DYNC1H1: variants seen among roughly 807,000 people sequenced by gnomAD.
DYNC1H1 encodes the protein dynein cytoplasmic 1 heavy chain 1.
In DYNC1H1, 51 loss-of-function variants were observed where a neutral mutation model predicts 527.1. That is an observed-to-expected ratio of 0.10 (90% CI 0.08 to 0.12). The LOEUF is 0.12. Among genes scored for constraint, DYNC1H1 ranks in the 10% least tolerant of loss-of-function variants. The probability of loss-of-function intolerance (pLI) is 1.00; values close to 1 mark genes in which losing one functional copy is unlikely to be tolerated. For synonymous variants in DYNC1H1, 2,189 were observed against 2,278.8 expected (o/e 0.96, Z 1.12); for missense variants, 2,771 against 5,971.8 (o/e 0.46, Z 17.66).
rs1352659577 is a variant in DYNC1H1, at chr14:102,054,183, G to C, written c.*3620G>C. On this transcript the variant is annotated 3_prime_UTR_variant, in exon 78 of 78. Transcript: ENST00000360184. Reference sequence around the variant, plus strand: ...GCTGGGCACAGACCTGGGAGGCTTGGCTCAAACCGCCCTGCCCTCCGTTGG... The same window carrying C: ...GCTGGGCACAGACCTGGGAGGCTTGCCTCAAACCGCCCTGCCCTCCGTTGG... 1.3e-5 allele frequency: 2 copies of C among 152,242 alleles called. No homozygotes were observed. The highest frequency in any genetic ancestry group is 2.9e-5 in the Non-Finnish European group (2 of 68,074). The allele number at this position is 152,242 out of a possible 1,614,324, so 9.4% of individuals were successfully genotyped here. A position where few individuals can be genotyped will look rare whatever the true frequency, so the allele number is the denominator to read the frequency against.
rs770289103 is a variant in DYNC1H1 at position 102,016,299 on chromosome 14, T to C, written c.7474-50T>C. ...TTAACTTTGCTGTAAGTGTCTTTCT[T>C]TTGTTGTTGAAATTTTATAAAAATC... is the stretch of plus-strand genomic sequence containing the variant. On this transcript the variant is annotated intron_variant, in intron 36 of 77. Transcript: ENST00000360184. The surrounding 1 kb of genome is among the most constrained non-coding windows in gnomAD (Gnocchi z 7.3). 1.2e-6 allele frequency: 2 copies of C among 1,609,668 alleles called. No individual in the cohort carries two copies. Among genetic ancestry groups the C allele is most frequent in the South Asian group, 2.2e-5 (2 of 90,574 alleles).
At chr14:101,998,879 CTTTT>C (rs888317854) in intron 16 of DYNC1H1, among the ~76,000 whole-genome samples, 1 of 115,212 alleles carries the variant, frequency 8.7e-6, no homozygotes, top group Non-Finnish European at 1.7e-5. Flanking sequence ...AAAACTTTTT[CTTTT>C]TTTTTTTTTT....
At position 102,017,053 on chromosome 14, in the gene DYNC1H1, G is replaced by A. The variant is rs2048331746; in HGVS notation, c.7849-35G>A. ...CCTTTTGGTGCTGAGCATGGGGTTGGTCTTACAGTGTGGTTTTGTGTCTTC... is the reference window on the plus strand; with the variant it reads ...CCTTTTGGTGCTGAGCATGGGGTTGATCTTACAGTGTGGTTTTGTGTCTTC... On this transcript the variant is annotated intron_variant, in intron 38 of 77. Transcript: ENST00000360184. The surrounding 1 kb of genome is among the most constrained non-coding windows in gnomAD (Gnocchi z 4.6). 6.2e-7 allele frequency: 1 copy of A among 1,614,248 alleles called. No individual in the cohort carries two copies. The highest frequency in any genetic ancestry group is 8.5e-7 in the Non-Finnish European group (1 of 1,180,038).
intron 72 of DYNC1H1, 102 bp from the exon 73 acceptor site, chr14:102,047,715 C>T: frequency 7.0e-7 from 1 of 1,419,660 alleles, no homozygotes; most frequent in Non-Finnish European, 9.7e-7. Flanking sequence ...CCAGTGTGGA[C>T]TCACTCACCA....
chr14:102,032,717 G>T, intron 52 of DYNC1H1: 1 of 594,194 alleles, frequency 1.7e-6, no homozygotes, highest in Non-Finnish European at 3.0e-6. Flanking sequence ...GCTGGGCGGG[G>T]TGGCATGCGC....
intron 72 of DYNC1H1, among the ~76,000 whole-genome samples, chr14:102,046,159 C>T (rs2048715156): frequency 1.3e-5 from 2 of 150,030 alleles, no homozygotes; most frequent in African/African-American, 4.9e-5. Context: ...CAGAGCAAGA[C>T]TTTGTCTCAA....
rs977074966 is a variant in DYNC1H1 at position 101,991,610 on chromosome 14, G to A, written c.2952G>A (p.Gln984=). ...PIEECRYKLY[Q]EMFAWKMVVL... Reference sequence around the variant, plus strand: ...AAGAGTGCAGATACAAGCTGTATCAGGAAATGTTTGCCTGGAAGATGGTTG... The same window carrying A: ...AAGAGTGCAGATACAAGCTGTATCAAGAAATGTTTGCCTGGAAGATGGTTG... Residue 984 remains glutamine (Q), a synonymous_variant, in exon 11 of 78, where the codon CAG becomes CAA. Coordinates refer to ENST00000360184, the MANE Select transcript of DYNC1H1 (RefSeq NM_001376.5). 6.2e-7 allele frequency: 1 copy of A among 1,614,198 alleles called. No individual in the cohort carries two copies. Among genetic ancestry groups the A allele is most frequent in the African/African-American group, 1.3e-5 (1 of 75,040 alleles).
chr14:102,004,085 CAA>C lies in DYNC1H1; in HGVS notation c.4884-425_4884-424del, dbSNP rs542865755. On this transcript the variant is annotated intron_variant, in intron 23 of 77. Coordinates refer to ENST00000360184, the MANE Select transcript of DYNC1H1 (RefSeq NM_001376.5). ...TGAAACCCCGTCTCTACTAAAAATACAAAAAAAAATTAGCCGGGCGTGGTGGT... is the reference window on the plus strand; with the variant it reads ...TGAAACCCCGTCTCTACTAAAAATACAAAAAAATTAGCCGGGCGTGGTGGT... Among the ~76,000 whole-genome samples the C allele has an allele frequency of 7.4e-5, 11 of 149,024 alleles. No homozygotes were observed. The East Asian group carries it at 1.2e-3, about 16-fold the overall frequency.
At chr14:102,026,763 T>G (rs1422349390) in intron 44 of DYNC1H1, 56 bp downstream of exon 44, 119 of 1,595,812 alleles carry the variant, frequency 7.5e-5, no homozygotes, top group Non-Finnish European at 9.7e-5. Context: ...CTTGAGTAAG[T>G]GTGTGTGCCG....
chr14:102,022,591 G>A (rs966842698), intron 42 of DYNC1H1, among the ~76,000 whole-genome samples, 160 bp from the exon 43 acceptor site: 1 of 152,106 alleles, frequency 6.6e-6, no homozygotes, highest in Non-Finnish European at 1.5e-5. Context: ...GCTGTCATGA[G>A]TTCAGCTTTT....
rs1264422999 is a variant in DYNC1H1, at chr14:102,038,812, G to A, written c.11170G>A (p.Val3724Met). The change falls in exon 59 of 78, where the codon GTG becomes ATG. Residue 3724 changes from valine to methionine, a missense_variant. By Grantham distance (21) the Val-to-Met change is conservative (BLOSUM62 1). Around this residue, in one of 32 missense-constraint regions of DYNC1H1, gnomAD observed 283 missense variants for 737.6 expected, o/e 0.38. Transcript: ENST00000360184. The surrounding 1 kb of genome is among the most constrained non-coding windows in gnomAD (Gnocchi z 7.2). ...AGTACTTAAAGCAGAAAGACCTGAT[G>A]TGGACGAGAAACGATCTGATCTTCT... ...NEVLKAERPD[V>M]DEKRSDLLKL... 2 of 1,614,210 alleles carry A rather than the reference G, an allele frequency of 1.2e-6. No individual in the cohort carries two copies. Among genetic ancestry groups the A allele is most frequent in the Non-Finnish European group, 1.7e-6 (2 of 1,180,038 alleles).
Position 102,006,149 on chromosome 14 carries a change from A to T in DYNC1H1, c.5695A>T (p.Arg1899Trp). The T allele has an allele frequency of 6.2e-7, 1 of 1,614,056 alleles. No homozygotes were observed. Among genetic ancestry groups the T allele is most frequent in the Non-Finnish European group, 8.5e-7 (1 of 1,180,016 alleles). The change falls in exon 27 of 78, where the codon AGG becomes TGG. Residue 1899 changes from arginine (R) to tryptophan (W), a missense_variant. Arg to Trp is a moderately radical substitution (Grantham distance 101, BLOSUM62 -3). This residue lies in a region of DYNC1H1 where 64 missense variants were observed against 143.4 expected (regional missense o/e 0.45). Transcript: ENST00000360184. ...YLTMTQALEA[R>W]LGGSPFGPAG... ...GACAATGACACAAGCCTTGGAGGCC[A>T]GGCTGGGGGGTTCCCCATTTGGTAA...
In DYNC1H1 at chr14:101,979,511, A is replaced by G. The variant is rs2047839178; in HGVS notation, c.518+19A>G. 5 of 1,614,078 alleles carry G rather than the reference A, an allele frequency of 3.1e-6. No homozygotes were observed. The highest frequency in any genetic ancestry group is 3.4e-6 in the Non-Finnish European group (4 of 1,180,000). ...CAGACAGGTAAAAACTGTGGTTTGA[A>G]TGTTATATTTCACTTAATGTTCACA... On this transcript the variant is annotated intron_variant, in intron 3 of 77. Coordinates refer to ENST00000360184, the MANE Select transcript of DYNC1H1 (RefSeq NM_001376.5). The surrounding 1 kb of genome is among the most constrained non-coding windows in gnomAD (Gnocchi z 4.6).
chr14:102,000,305 A>G lies in DYNC1H1; in HGVS notation c.3980A>G (p.Gln1327Arg), dbSNP rs763711252. ...ERVQVALEEL[Q>R]DLKGVWSELS... Reference sequence around the variant, plus strand: ...TCGCAGGTGGCCTTAGAAGAATTACAGGACCTCAAAGGCGTTTGGTCAGAA... The same window carrying G: ...TCGCAGGTGGCCTTAGAAGAATTACGGGACCTCAAAGGCGTTTGGTCAGAA... The change falls in exon 18 of 78, where the codon CAG becomes CGG. Residue 1327 changes from glutamine to arginine, a missense_variant. Physicochemically the swap from Gln to Arg is conservative, Grantham distance 43. Coordinates refer to ENST00000360184, the MANE Select transcript of DYNC1H1 (RefSeq NM_001376.5). The G allele has an allele frequency of 9.3e-6, 15 of 1,614,206 alleles. No individual in the cohort carries two copies. The East Asian group carries it at 2.2e-4, about 24-fold the overall frequency.
At position 102,020,920 on chromosome 14, in the gene DYNC1H1, G is replaced by T. The variant is rs1339638427; in HGVS notation, c.8507+864G>T. ...CCTTGGCATTCTTGGGCAACACCGGGTACATTACTGACAGCCACTGTAAGA... is the reference window on the plus strand; with the variant it reads ...CCTTGGCATTCTTGGGCAACACCGGTTACATTACTGACAGCCACTGTAAGA... On this transcript the variant is annotated intron_variant, in intron 42 of 77. Transcript: ENST00000360184. This position sits in a 1 kb window ranked among gnomAD's most constrained non-coding sequence, Gnocchi z 4.3. 6.6e-6 allele frequency among the ~76,000 whole-genome samples: 1 copy of T among 152,146 alleles called. No individual in the cohort carries two copies. The highest frequency in any genetic ancestry group is 2.4e-5 in the African/African-American group (1 of 41,440).
chr14:102,044,783 A>G lies in DYNC1H1; in HGVS notation c.13006+85A>G, dbSNP rs2048696067. The G allele has an allele frequency of 5.4e-6, 8 of 1,486,900 alleles. No individual in the cohort carries two copies. Among genetic ancestry groups the G allele is most frequent in the Middle Eastern group, 2.4e-4 (1 of 4,244 alleles). 92.1% of individuals were successfully genotyped at this position (1,486,900 alleles called of 1,614,324 possible). On this transcript the variant is annotated intron_variant, in intron 72 of 77. Transcript: ENST00000360184. This position sits in a 1 kb window ranked among gnomAD's most constrained non-coding sequence, Gnocchi z 7.1. The stretch of plus-strand genomic sequence containing the variant: ...GTGGGTGGCGAGGGTCCCCACACGC[A>G]GGGTGAGTGTGCACTGCTGTCCCAG...
chr14:102,022,267 C>A (rs974692339), intron 42 of DYNC1H1, among the ~76,000 whole-genome samples: 1 of 151,600 alleles, frequency 6.6e-6, no homozygotes, highest in Admixed American at 6.6e-5. Flanking sequence ...GAGGCCGAGG[C>A]GGGCGGATCA....
intron 15 of DYNC1H1, among the ~76,000 whole-genome samples, chr14:101,995,515 G>A (rs34604942): frequency 5.0e-4 from 76 of 151,968 alleles, no homozygotes; most frequent in Admixed American, 1.4e-3. Flanking sequence ...GGAGGCTGAG[G>A]CAGGAGAATG....
At chr14:101,981,512 G>A (rs1241151309) in intron 5 of DYNC1H1, among the ~76,000 whole-genome samples, 1 of 152,170 alleles carries the variant, frequency 6.6e-6, no homozygotes, top group Non-Finnish European at 1.5e-5. Flanking sequence ...GTTTGAACAC[G>A]AGGCATTATT....
Sources: allele counts gnomAD v4.1 joint callset (sites outside exome capture counted in the v4.1 genomes callset), GRCh38; gene constraint gnomAD v4.1.1; regional missense constraint gnomAD v4.1.1; non-coding constraint Gnocchi (gnomAD v3.1); transcripts MANE v1.5; gene names NCBI Gene and HGNC (gene_info 2026-07-23, HGNC 2026-07-21).